The following TOX variants were observed in gnomAD, a reference collection of about 807,000 sequenced individuals.
TOX encodes the protein thymocyte selection associated high mobility group box, also known as thymocyte selection-associated high mobility group box protein TOX.
A neutral mutation model predicts 53.7 loss-of-function variants in TOX; 11 were observed. The ratio of observed to expected loss-of-function variants is 0.20; its 90% confidence interval spans 0.13 to 0.34. The LOEUF is 0.34. TOX is among the 10% of genes least tolerant of loss of function. TOX has a pLI of 1.00. For synonymous variants in TOX, 225 were observed against 245.3 expected (o/e 0.92, Z 0.77); for missense variants, 570 against 664.6 (o/e 0.86, Z 1.56).
At chr8:59,102,963 A>C (rs1431153169) in intron 1 of TOX, among the ~76,000 whole-genome samples, 1 of 152,086 alleles carries the variant, frequency 6.6e-6, no homozygotes, top group Non-Finnish European at 1.5e-5. Context: ...AATTCGCTTC[A>C]TGTTAGGTTT....
intron 1 of TOX, among the ~76,000 whole-genome samples, chr8:59,039,470 A>C (rs1278955434): frequency 3.3e-5 from 5 of 152,338 alleles, no homozygotes; most frequent in Non-Finnish European, 4.4e-5. Context: ...GTGAACAAGC[A>C]GACAGCTGAA....
rs546788559 is a variant in TOX, at chr8:59,069,598, G to A, written c.102+49288C>T. Among the ~76,000 whole-genome samples, 31 of 152,242 alleles carry A rather than the reference G, an allele frequency of 2.0e-4. No individual in the cohort carries two copies. In the East Asian group the frequency reaches 4.1e-3, roughly 20 times the overall value. On this transcript the variant is annotated intron_variant, in intron 1 of 8. Coordinates refer to ENST00000361421, the MANE Select transcript of TOX (RefSeq NM_014729.3). ...AAGGAGACCAGCCCCAGGGAATGTC[G>A]GCACTTATGATGATGGCTCTTAACC... is the stretch of plus-strand genomic sequence containing the variant.
chr8:58,840,256 T>C (rs1475886731), intron 4 of TOX, among the ~76,000 whole-genome samples: 1 of 152,090 alleles, frequency 6.6e-6, no homozygotes, highest in Non-Finnish European at 1.5e-5. Flanking sequence ...CTGAAGCAGA[T>C]CAAAGAACCC....
chr8:59,062,882 G>A (rs546007558), intron 1 of TOX, among the ~76,000 whole-genome samples: 14 of 152,218 alleles, frequency 9.2e-5, no homozygotes, highest in African/African-American at 3.4e-4. Context: ...CAAGCTTTAA[G>A]CTAGCATTTT....
chr8:58,960,479 A>C (rs1038734396), intron 1 of TOX, among the ~76,000 whole-genome samples: 1 of 152,224 alleles, frequency 6.6e-6, no homozygotes, highest in Non-Finnish European at 1.5e-5. Context: ...AATAGACTAA[A>C]ACTGGCATCA....
chr8:58,925,480 T>C (rs1812142645), intron 3 of TOX, among the ~76,000 whole-genome samples: 1 of 152,224 alleles, frequency 6.6e-6, no homozygotes, highest in Non-Finnish European at 1.5e-5. Context: ...TATAACCTGC[T>C]ATTCACAAGC....
chr8:59,087,315 C>T (rs1170283068), intron 1 of TOX, among the ~76,000 whole-genome samples: 1 of 151,628 alleles, frequency 6.6e-6, no homozygotes, highest in Admixed American at 6.6e-5. Context: ...TCAGCTTTGC[C>T]GAAGGTTAAA....
intron 3 of TOX, among the ~76,000 whole-genome samples, chr8:58,922,641 C>G (rs755913750): frequency 1.3e-5 from 2 of 152,200 alleles, no homozygotes; most frequent in Non-Finnish European, 2.9e-5. Flanking sequence ...GTGTGGAACA[C>G]AGCAGGATTA....
chr8:59,002,341 C>T (rs1419430462), intron 1 of TOX, among the ~76,000 whole-genome samples: 1 of 150,660 alleles, frequency 6.6e-6, no homozygotes, highest in Non-Finnish European at 1.5e-5. Flanking sequence ...GCCTGTAATC[C>T]CAGCACTTTG....
At chr8:58,838,858 C>T (rs904931991) in intron 4 of TOX, among the ~76,000 whole-genome samples, 2 of 151,892 alleles carry the variant, frequency 1.3e-5, no homozygotes, top group African/African-American at 4.8e-5. Flanking sequence ...CGCGCCACCA[C>T]ACCTGGCTAA....
At chr8:58,960,606 G>T (rs1004645396) in intron 1 of TOX, among the ~76,000 whole-genome samples, 2 of 152,130 alleles carry the variant, frequency 1.3e-5, no homozygotes, top group African/African-American at 4.8e-5. Context: ...CAGGCACAAT[G>T]AAATACTCCT....
chr8:58,966,877 T>TC (rs1812911769), intron 1 of TOX, among the ~76,000 whole-genome samples: 8 of 148,116 alleles, frequency 5.4e-5, no homozygotes, highest in Admixed American at 4.0e-4. Flanking sequence ...GTTATTCTTT[T>TC]TTTTTTTTTT....
At chr8:58,933,447 A>G (rs949120172) in intron 3 of TOX, among the ~76,000 whole-genome samples, 2 of 152,150 alleles carry the variant, frequency 1.3e-5, no homozygotes, top group Admixed American at 1.3e-4. Flanking sequence ...CCTTTTAACA[A>G]CATGAAAACA....
At chr8:59,052,423 T>C (rs528455583) in intron 1 of TOX, among the ~76,000 whole-genome samples, 65 of 152,342 alleles carry the variant, frequency 4.3e-4, no homozygotes, top group African/African-American at 1.4e-3. Context: ...ATATTATTTA[T>C]GCTTATTTAT....
chr8:58,915,798 C>G (rs908368616), intron 3 of TOX, among the ~76,000 whole-genome samples: 148 of 150,688 alleles, frequency 9.8e-4, no homozygotes, highest in African/African-American at 3.5e-3. Context: ...AAGTTGGAAA[C>G]TTTGAAAAAA....
intron 3 of TOX, among the ~76,000 whole-genome samples, chr8:58,880,665 C>T (rs937465857): frequency 6.6e-6 from 1 of 152,046 alleles, no homozygotes; most frequent in African/African-American, 2.4e-5. Context: ...CTGCATGGGC[C>T]TGAGATGATG....
chr8:59,092,598 C>G (rs1019497528), intron 1 of TOX, among the ~76,000 whole-genome samples: 1 of 151,766 alleles, frequency 6.6e-6, no homozygotes, highest in African/African-American at 2.4e-5. Flanking sequence ...TAACGTAACT[C>G]AAGAGGAAGG....
chr8:58,954,511 C>A (rs571294525), intron 2 of TOX, among the ~76,000 whole-genome samples: 1 of 152,266 alleles, frequency 6.6e-6, no homozygotes, highest in African/African-American at 2.4e-5. Context: ...ATCAGGTGAG[C>A]AAGACAAGGA....
chr8:58,986,150 T>C (rs765820839), intron 1 of TOX, among the ~76,000 whole-genome samples: 6 of 152,192 alleles, frequency 3.9e-5, no homozygotes, highest in Non-Finnish European at 7.3e-5. Flanking sequence ...TTAAATTTAC[T>C]GATGGAGAAA....
Sources: allele counts gnomAD v4.1 joint callset (sites outside exome capture counted in the v4.1 genomes callset), GRCh38; gene constraint gnomAD v4.1.1; transcripts MANE v1.5; gene names NCBI Gene and HGNC (gene_info 2026-07-23, HGNC 2026-07-21).